The following PSD3 variants were observed in gnomAD, a reference collection of about 807,000 sequenced individuals.
PSD3 encodes PH and SEC7 domain-containing protein 3.
A neutral mutation model predicts 105.5 loss-of-function variants in PSD3; 49 were observed. The observed-to-expected ratio is 0.46, with a 90% confidence interval of 0.37 to 0.59. PSD3 has a LOEUF of 0.59. PSD3 is among the 20% of genes least tolerant of loss of function. The pLI is 0.00. For missense variants in PSD3, 1,561 were observed against 1,263.8 expected, an observed-to-expected ratio of 1.24 and a Z score of -3.57; for synonymous variants, 557 against 457.8, an observed-to-expected ratio of 1.22 and a Z score of -2.77.
At chr8:18,845,814 C>T (rs1240786901) in intron 4 of PSD3, among the ~76,000 whole-genome samples, 2 of 152,218 alleles carry the variant, frequency 1.3e-5, no homozygotes. Flanking sequence ...GGAACTCAAA[C>T]TGGTCACTTA....
At chr8:18,674,043 T>C (rs1277070500) in intron 9 of PSD3, among the ~76,000 whole-genome samples, 1 of 151,960 alleles carries the variant, frequency 6.6e-6, no homozygotes, top group Non-Finnish European at 1.5e-5. Flanking sequence ...CTCTGGAAGC[T>C]GAGGACTTGG....
At chr8:18,744,292 G>C (rs1163065327) in intron 9 of PSD3, among the ~76,000 whole-genome samples, 1 of 152,160 alleles carries the variant, frequency 6.6e-6, no homozygotes, top group Non-Finnish European at 1.5e-5. Flanking sequence ...TGAGGAAGCT[G>C]ATAGAGGAAT....
rs1156928864 is a variant in PSD3, at chr8:18,899,435, T to C, written c.131-26702A>G. Among the ~76,000 whole-genome samples, 4 of 152,284 alleles carry C rather than the reference T, an allele frequency of 2.6e-5. 1 individual carries two copies. Among genetic ancestry groups the C allele is most frequent in the Middle Eastern group, 6.8e-3 (2 of 294 alleles). On this transcript the variant is annotated intron_variant, in intron 2 of 15. Transcript: ENST00000327040. The stretch of plus-strand genomic sequence containing the variant: ...GCTTTCACAGCTTTTCCTTTAACAA[T>C]GGAATCTTCAACGATGCAATCTTCC...
intron 2 of PSD3, among the ~76,000 whole-genome samples, chr8:18,918,643 G>A (rs1157098621): frequency 6.6e-6 from 1 of 152,168 alleles, no homozygotes; most frequent in Non-Finnish European, 1.5e-5. Context: ...TCTTTGCCCA[G>A]GCCTGTTCCC....
At chr8:18,943,906 G>A (rs541511837) in intron 1 of PSD3, among the ~76,000 whole-genome samples, 21 of 152,040 alleles carry the variant, frequency 1.4e-4, no homozygotes, top group South Asian at 6.2e-4. Flanking sequence ...GCAGGAGACC[G>A]GAAGAGTTTT....
intron 4 of PSD3, among the ~76,000 whole-genome samples, chr8:18,829,418 G>A (rs1813495470): frequency 6.6e-6 from 1 of 152,098 alleles, no homozygotes; most frequent in South Asian, 2.1e-4. Flanking sequence ...TAGTTCCCCA[G>A]CAATTAGAAT....
chr8:19,065,341 C>G (rs34747927), intron 1 of PSD3, among the ~76,000 whole-genome samples: 2 of 151,882 alleles, frequency 1.3e-5, no homozygotes, highest in Non-Finnish European at 2.9e-5. Flanking sequence ...ATCAGCTCTG[C>G]GGTGGACATC....
chr8:18,712,777 C>T (rs1352020306), intron 9 of PSD3, among the ~76,000 whole-genome samples: 4 of 152,140 alleles, frequency 2.6e-5, no homozygotes, highest in Admixed American at 6.5e-5. Context: ...CTCCCTTACT[C>T]GCGTTATGAG....
chr8:18,861,250 A>C (rs958852727), intron 4 of PSD3, among the ~76,000 whole-genome samples: 1 of 152,136 alleles, frequency 6.6e-6, no homozygotes, highest in Non-Finnish European at 1.5e-5. Flanking sequence ...AACACACAGA[A>C]GAGCTTCCAG....
chr8:18,668,280 A>C (rs1799596899), intron 9 of PSD3, among the ~76,000 whole-genome samples: 1 of 152,268 alleles, frequency 6.6e-6, no homozygotes, highest in Non-Finnish European at 1.5e-5. Flanking sequence ...GGAAACAGTA[A>C]GAATCACTGA....
intron 9 of PSD3, among the ~76,000 whole-genome samples, chr8:18,699,525 A>T (rs1382577255): frequency 6.6e-6 from 1 of 152,138 alleles, no homozygotes; most frequent in East Asian, 1.9e-4. Flanking sequence ...TGTAGTGAAA[A>T]CTGGGGACTT....
chr8:18,783,517 T>C (rs1008576290), intron 8 of PSD3, among the ~76,000 whole-genome samples: 9 of 152,228 alleles, frequency 5.9e-5, no homozygotes, highest in African/African-American at 2.2e-4. Flanking sequence ...GTTTCTTTCA[T>C]TAGGTTAGAC....
rs76466222 is a variant in PSD3, at chr8:18,664,517, T to C, written c.2173-8832A>G. ...TTTGAAGGTAACAGATGTCGGTTCG[T>C]GAGGTTTAAGGAAAGAAGCAGACCC... On this transcript the variant is annotated intron_variant, in intron 9 of 15. Transcript: ENST00000327040. 0.034 allele frequency among the ~76,000 whole-genome samples: 5,235 copies of C among 152,162 alleles called. 441 individuals carry two copies. In the East Asian group the frequency reaches 0.34, roughly 10 times the overall value.
intron 1 of PSD3, among the ~76,000 whole-genome samples, chr8:19,081,610 G>A (rs1173734471): frequency 6.6e-6 from 1 of 152,180 alleles, no homozygotes; most frequent in African/African-American, 2.4e-5. Flanking sequence ...AGCCATCCAG[G>A]TCACAGAACG....
intron 2 of PSD3, among the ~76,000 whole-genome samples, chr8:18,922,448 T>C (rs1462350951): frequency 1.3e-5 from 2 of 152,166 alleles, no homozygotes; most frequent in Non-Finnish European, 2.9e-5. Context: ...AACACAGGAA[T>C]AAACTAAACG....
intron 9 of PSD3, among the ~76,000 whole-genome samples, chr8:18,761,583 T>C (rs1806540239): frequency 1.3e-5 from 2 of 152,196 alleles, no homozygotes; most frequent in Non-Finnish European, 2.9e-5. Flanking sequence ...TCTCAAATCA[T>C]AATCTCAATC....
intron 8 of PSD3, among the ~76,000 whole-genome samples, chr8:18,798,553 T>A (rs1810390569): frequency 6.6e-6 from 1 of 152,180 alleles, no homozygotes. Context: ...ATGTAATTTT[T>A]AAATTGTAAG....
intron 2 of PSD3, among the ~76,000 whole-genome samples, chr8:18,887,521 T>A (rs2129459250): frequency 6.6e-6 from 1 of 152,324 alleles, no homozygotes; most frequent in Non-Finnish European, 1.5e-5. Context: ...GCACCAAATG[T>A]AAAAACTAAT....
At chr8:19,070,356 A>G (rs1256915397) in intron 1 of PSD3, among the ~76,000 whole-genome samples, 2 of 129,650 alleles carry the variant, frequency 1.5e-5, no homozygotes, top group Admixed American at 8.7e-5. Context: ...CTATTGTATT[A>G]GTATGTCATG....
Sources: allele counts gnomAD v4.1 joint callset (sites outside exome capture counted in the v4.1 genomes callset), GRCh38; gene constraint gnomAD v4.1.1; transcripts MANE v1.5; gene names NCBI Gene and HGNC (gene_info 2026-07-23, HGNC 2026-07-21).